PRKN: variants seen among roughly 807,000 people sequenced by gnomAD.
PRKN encodes parkin RBR E3 ubiquitin protein ligase.
A neutral mutation model predicts 59.5 loss-of-function variants in PRKN; 56 were observed. That is an observed-to-expected ratio of 0.94 (90% CI 0.76 to 1.18). The LOEUF (loss-of-function observed/expected upper bound fraction) is 1.18. PRKN is among the 50% of genes most tolerant of loss of function. The pLI is 0.00. For missense variants in PRKN, 657 were observed against 596.4 expected (o/e 1.10, Z -1.06); for synonymous variants, 250 against 222.1 (o/e 1.13, Z -1.12).
chr6:161,851,222 TTCTC>T (rs1324492599), intron 6 of PRKN, among the ~76,000 whole-genome samples: 1 of 151,558 alleles, frequency 6.6e-6, no homozygotes, highest in Admixed American at 6.6e-5. Context: ...CTCTTTCTCT[TTCTC>T]TCTCTCTCTC....
intron 6 of PRKN, among the ~76,000 whole-genome samples, chr6:161,883,037 AAAAAC>A (rs1794999368): frequency 1.4e-5 from 2 of 142,796 alleles, no homozygotes; most frequent in East Asian, 4.5e-4. Context: ...AACAACAAAA[AAAAAC>A]CAAAAAAACT....
intron 2 of PRKN, among the ~76,000 whole-genome samples, chr6:162,368,221 G>C (rs1562706509): frequency 6.6e-6 from 1 of 152,138 alleles, no homozygotes; most frequent in Non-Finnish European, 1.5e-5. Flanking sequence ...AGAGTGCATG[G>C]AGCATATCTG....
rs976821922 is a variant in PRKN, at chr6:161,789,426, G to A, written c.735-3518C>T. Among the ~76,000 whole-genome samples, 54 of 152,050 alleles carry A rather than the reference G, an allele frequency of 3.6e-4. 1 individual carries two copies. Among genetic ancestry groups the A allele is most frequent in the African/African-American group, 1.3e-3 (53 of 41,396 alleles). On this transcript the variant is annotated intron_variant, in intron 6 of 11. Transcript: ENST00000366898. ...CCCCTCCAGCTGGGAAGGTCCTTGC[G>A]TAGCCTAGGATTCTTCTAGTTCCTG...
intron 4 of PRKN, among the ~76,000 whole-genome samples, chr6:162,086,534 T>A (rs1476450776): frequency 6.6e-6 from 1 of 152,180 alleles, no homozygotes; most frequent in East Asian, 1.9e-4. Flanking sequence ...AAAAATGTGT[T>A]AAGATGTTTT....
intron 3 of PRKN, among the ~76,000 whole-genome samples, chr6:162,233,324 G>T (rs6455804): frequency 2.6e-5 from 4 of 151,710 alleles, no homozygotes; most frequent in East Asian, 3.9e-4. Context: ...GATACATTAA[G>T]GAATGTATTG....
chr6:161,377,126 C>T lies in PRKN; in HGVS notation c.1167+9668G>A, dbSNP rs1785744783. 6.6e-6 allele frequency among the ~76,000 whole-genome samples: 1 copy of T among 152,220 alleles called. No individual in the cohort carries two copies. The highest frequency in any genetic ancestry group is 1.5e-5 in the Non-Finnish European group (1 of 68,046). On this transcript the variant is annotated intron_variant, in intron 10 of 11. Transcript: ENST00000366898. The surrounding 1 kb of genome is among the most constrained non-coding windows in gnomAD (Gnocchi z 4.2). ...GGGAAAAGAGGTCACGTGGGGCTAC[C>T]TGCGGGCCAATAAGAGCATCCCAGC...
intron 5 of PRKN, among the ~76,000 whole-genome samples, chr6:162,009,644 G>C (rs112070690): frequency 1.3e-5 from 2 of 151,732 alleles, no homozygotes; most frequent in African/African-American, 4.9e-5. Context: ...TGAAATAAAA[G>C]TCCTCTCGCG....
intron 1 of PRKN, among the ~76,000 whole-genome samples, chr6:162,607,399 A>G (rs1477125577): frequency 6.6e-6 from 1 of 152,170 alleles, no homozygotes; most frequent in Non-Finnish European, 1.5e-5. Context: ...TACTGTGGAG[A>G]TAAGAGGTTA....
At chr6:162,298,765 A>G (rs149870393) in intron 2 of PRKN, among the ~76,000 whole-genome samples, 1 of 152,030 alleles carries the variant, frequency 6.6e-6, no homozygotes, top group East Asian at 1.9e-4. Context: ...CTGTTTCTTG[A>G]CCCTGTGCCC....
chr6:161,449,024 G>GA (rs1789611492), intron 9 of PRKN, among the ~76,000 whole-genome samples: 3 of 152,166 alleles, frequency 2.0e-5, no homozygotes, highest in Non-Finnish European at 4.4e-5. Flanking sequence ...TTACTTACAG[G>GA]TGTTATGAAT....
intron 7 of PRKN, among the ~76,000 whole-genome samples, chr6:161,716,691 T>C (rs1324274387): frequency 1.3e-5 from 2 of 152,136 alleles, no homozygotes; most frequent in Non-Finnish European, 2.9e-5. Flanking sequence ...AGAACAATTA[T>C]CAGGAAATCT....
chr6:162,104,352 A>G (rs1411377788), intron 4 of PRKN, among the ~76,000 whole-genome samples: 1 of 152,194 alleles, frequency 6.6e-6, no homozygotes, highest in African/African-American at 2.4e-5. Context: ...AAAATGCAAT[A>G]GGGAATCTAT....
intron 2 of PRKN, among the ~76,000 whole-genome samples, chr6:162,427,133 T>C (rs1789274104): frequency 6.6e-6 from 1 of 152,170 alleles, no homozygotes; most frequent in African/African-American, 2.4e-5. Context: ...AAATGCAAGT[T>C]AAATCTACAA....
At chr6:162,448,806 CTCTT>C (rs1169285568) in intron 1 of PRKN, among the ~76,000 whole-genome samples, 5 of 151,864 alleles carry the variant, frequency 3.3e-5, no homozygotes, top group Middle Eastern at 3.4e-3. Context: ...CTTTCTCTTT[CTCTT>C]TCTTTCTCTT....
chr6:162,076,788 G>C (rs1214063550), intron 4 of PRKN, among the ~76,000 whole-genome samples: 3 of 152,114 alleles, frequency 2.0e-5, no homozygotes, highest in Non-Finnish European at 2.9e-5. Flanking sequence ...CTTAAAATTT[G>C]CTCTTGCAAT....
chr6:161,763,886 C>T (rs529004148), intron 7 of PRKN, among the ~76,000 whole-genome samples: 44 of 152,180 alleles, frequency 2.9e-4, no homozygotes, highest in African/African-American at 9.4e-4. Flanking sequence ...ATCACGAGTC[C>T]CACTGAATTT....
chr6:162,222,822 C>T (rs1777992755), intron 3 of PRKN, among the ~76,000 whole-genome samples: 1 of 151,990 alleles, frequency 6.6e-6, no homozygotes, highest in East Asian at 1.9e-4. Context: ...GTTTACTTCA[C>T]CTCACTGTTA....
At position 161,361,019 on chromosome 6, in the gene PRKN, G is replaced by A. The variant is rs1784957948; in HGVS notation, c.1168-814C>T. Reference sequence around the variant, plus strand: ...TAATACATTTGCTGACATTATTCATGTCACCGAGAGCTGGGTGCTGCCTGC... The same window carrying A: ...TAATACATTTGCTGACATTATTCATATCACCGAGAGCTGGGTGCTGCCTGC... On this transcript the variant is annotated intron_variant, in intron 10 of 11. Transcript: ENST00000366898. The surrounding 1 kb of genome is among the most constrained non-coding windows in gnomAD (Gnocchi z 5.2). Among the ~76,000 whole-genome samples the A allele has an allele frequency of 6.6e-6, 1 of 152,066 alleles. No individual in the cohort carries two copies. The highest frequency in any genetic ancestry group is 1.5e-5 in the Non-Finnish European group (1 of 68,018).
intron 9 of PRKN, among the ~76,000 whole-genome samples, chr6:161,482,697 C>T (rs919748759): frequency 2.0e-5 from 3 of 152,208 alleles, no homozygotes; most frequent in Non-Finnish European, 2.9e-5. Flanking sequence ...CAACTGAGTA[C>T]GTGGCTGTTC....
Sources: allele counts gnomAD v4.1 joint callset (sites outside exome capture counted in the v4.1 genomes callset), GRCh38; gene constraint gnomAD v4.1.1; non-coding constraint Gnocchi (gnomAD v3.1); transcripts MANE v1.5; gene names NCBI Gene and HGNC (gene_info 2026-07-23, HGNC 2026-07-21).